Variants in SRGAP3 observed in about 807,000 individuals in gnomAD.
SRGAP3 encodes SLIT-ROBO Rho GTPase-activating protein 3.
Under a neutral mutation model 121.1 loss-of-function variants are expected in SRGAP3, and 39 were observed. The observed-to-expected ratio is 0.32, with a 90% CI of 0.25 to 0.42. The LOEUF is 0.42. SRGAP3 is among the 10% of genes least tolerant of loss of function. SRGAP3 has a pLI of 1.00. For missense variants in SRGAP3, 1,213 were observed against 1,470.6 expected, an observed-to-expected ratio of 0.82 and a Z score of 2.86; for synonymous variants, 601 against 570.0, an observed-to-expected ratio of 1.05 and a Z score of -0.77.
rs545210958 is a variant in SRGAP3, at chr3:9,320,026, A to C, written n.442+5984T>G. Among the ~76,000 whole-genome samples the C allele has an allele frequency of 7.2e-5, 11 of 151,990 alleles. 1 individual carries two copies. The South Asian group carries it at 2.3e-3, about 32-fold the overall frequency. On this transcript the variant is annotated intron_variant and non_coding_transcript_variant, in intron 3 of 3. Transcript: ENST00000490889. Reference sequence around the variant, plus strand: ...AATTCCCCCAACCTAGTTCATGCCAACTGGCTGGGTCTGGATTCCCTGTCA... The same window carrying C: ...AATTCCCCCAACCTAGTTCATGCCACCTGGCTGGGTCTGGATTCCCTGTCA...
chr3:9,278,124 T>C (rs1016856033), intron 3 of SRGAP3, among the ~76,000 whole-genome samples: 1 of 152,200 alleles, frequency 6.6e-6, no homozygotes, highest in Non-Finnish European at 1.5e-5. Flanking sequence ...ACCCAGTTTA[T>C]GGTATTTTCT....
chr3:9,354,272 C>T (rs565414344), intron 1 of SRGAP3, among the ~76,000 whole-genome samples: 63 of 152,112 alleles, frequency 4.1e-4, no homozygotes, highest in Non-Finnish European at 6.6e-4. Flanking sequence ...ACCATAGAAA[C>T]GAAAAGCAGA....
At chr3:9,230,711 T>A (rs1269610210) in intron 1 of SRGAP3, among the ~76,000 whole-genome samples, 1 of 151,568 alleles carries the variant, frequency 6.6e-6, no homozygotes, top group Non-Finnish European at 1.5e-5. Context: ...CTCTACAAAA[T>A]TTTTTTTTAA....
intron 3 of SRGAP3, among the ~76,000 whole-genome samples, chr3:9,270,410 TG>T (rs1258238140): frequency 6.6e-6 from 1 of 152,074 alleles, no homozygotes; most frequent in African/African-American, 2.4e-5. Context: ...TAGTGGCCTA[TG>T]GGGGTGGAGA....
chr3:9,262,239 C>T lies in SRGAP3; in HGVS notation n.442+63771G>A, dbSNP rs146174817. On this transcript the variant is annotated intron_variant and non_coding_transcript_variant, in intron 3 of 3. Transcript: ENST00000490889. Reference sequence around the variant, plus strand: ...TAAATATGGAAAGGAAAAACTGGTACCAGCCACTGCAAAAACATACCAAAA... The same window carrying T: ...TAAATATGGAAAGGAAAAACTGGTATCAGCCACTGCAAAAACATACCAAAA... Among the ~76,000 whole-genome samples, 495 of 152,178 alleles carry T rather than the reference C, an allele frequency of 3.3e-3. 17 individuals are homozygous for T. In the South Asian group the frequency reaches 0.056, roughly 17 times the overall value.
chr3:9,117,628 T>C (rs1197127813), intron 2 of SRGAP3, among the ~76,000 whole-genome samples: 1 of 152,174 alleles, frequency 6.6e-6, no homozygotes, highest in Non-Finnish European at 1.5e-5. Flanking sequence ...ATGGAGCATT[T>C]TCATCAGGTA....
At chr3:9,325,979 T>C (rs1383064882) in intron 3 of SRGAP3, 1 of 151,916 alleles carries the variant, frequency 6.6e-6, no homozygotes, top group Non-Finnish European at 1.5e-5. Flanking sequence ...GCCATCTCCT[T>C]CTGGGGAGAA....
chr3:9,087,108 AT>A (rs1334776314), intron 3 of SRGAP3, among the ~76,000 whole-genome samples: 19 of 152,172 alleles, frequency 1.2e-4, no homozygotes, highest in Non-Finnish European at 1.5e-5. Flanking sequence ...GTGTATATAT[AT>A]TTATATGTGT....
chr3:9,037,697 C>G (rs1944820210), intron 11 of SRGAP3: 1 of 354,732 alleles, frequency 2.8e-6, no homozygotes, highest in African/African-American at 2.1e-5. Context: ...CATGGTGTAG[C>G]AGGTGGGAAG....
chr3:9,021,227 C>T (rs1943902473), intron 14 of SRGAP3, among the ~76,000 whole-genome samples: 1 of 152,204 alleles, frequency 6.6e-6, no homozygotes, highest in African/African-American at 2.4e-5. Context: ...ACATCCAAAC[C>T]CTGCGTAGAT....
At chr3:9,030,815 A>G (rs551040642) in intron 12 of SRGAP3, among the ~76,000 whole-genome samples, 20 of 152,254 alleles carry the variant, frequency 1.3e-4, no homozygotes, top group African/African-American at 4.8e-4. Context: ...CCTGTCTCTG[A>G]GCCTTCATTC....
intron 3 of SRGAP3, among the ~76,000 whole-genome samples, chr3:9,324,659 A>G (rs1297868727): frequency 3.3e-5 from 5 of 151,960 alleles, no homozygotes; most frequent in East Asian, 1.9e-4. Flanking sequence ...TTTGTTTAGA[A>G]AAATTCCCCC....
chr3:9,020,246 G>A (rs1232132938), intron 14 of SRGAP3, among the ~76,000 whole-genome samples: 1 of 152,092 alleles, frequency 6.6e-6, no homozygotes, highest in Non-Finnish European at 1.5e-5. Flanking sequence ...GCCTGCTTAT[G>A]TAGGTAGGTA....
chr3:9,204,302 T>C (rs1002015105), intron 1 of SRGAP3, among the ~76,000 whole-genome samples: 6 of 152,202 alleles, frequency 3.9e-5, no homozygotes, highest in Admixed American at 3.9e-4. Flanking sequence ...CACACAGCCC[T>C]GGACAGAGCC....
At chr3:9,205,128 G>A (rs1268998321) in intron 1 of SRGAP3, among the ~76,000 whole-genome samples, 1 of 152,166 alleles carries the variant, frequency 6.6e-6, no homozygotes, top group African/African-American at 2.4e-5. Context: ...AATGCGCAGT[G>A]AACACTACAC....
intron 17 of SRGAP3, among the ~76,000 whole-genome samples, chr3:9,011,740 G>A (rs961726958): frequency 1.3e-5 from 2 of 152,192 alleles, no homozygotes; most frequent in African/African-American, 4.8e-5. Flanking sequence ...GCCCACAACA[G>A]ATGATTGGTA....
At chr3:9,288,130 G>GTTTTTTTTTTTTTTTT (rs57076828) in intron 3 of SRGAP3, among the ~76,000 whole-genome samples, 3 of 119,098 alleles carry the variant, frequency 2.5e-5, no homozygotes, top group Non-Finnish European at 3.4e-5. Context: ...TTCTATCTTT[G>GTTTTTTTTTTTTTTTT]TTTTTTTTTT....
chr3:9,104,641 G>C, intron 3 of SRGAP3, 39 bp downstream of exon 3: 2 of 1,612,800 alleles, frequency 1.2e-6, no homozygotes, highest in South Asian at 2.2e-5. Context: ...CCAGCTTGGG[G>C]CAAAGACCTG....
intron 3 of SRGAP3, among the ~76,000 whole-genome samples, chr3:9,296,270 G>A (rs865962525): frequency 2.0e-5 from 3 of 152,118 alleles, no homozygotes; most frequent in Admixed American, 6.5e-5. Flanking sequence ...AATGCGCAAG[G>A]GTTCCAGTTT....
Sources: allele counts gnomAD v4.1 joint callset (sites outside exome capture counted in the v4.1 genomes callset), GRCh38; gene constraint gnomAD v4.1.1; transcripts MANE v1.5; gene names NCBI Gene and HGNC (gene_info 2026-07-23, HGNC 2026-07-21).